Variants in PRKAR1B observed in about 807,000 individuals in gnomAD.
PRKAR1B encodes protein kinase cAMP-dependent type I regulatory subunit beta.
Under a neutral mutation model 46.5 loss-of-function variants are expected in PRKAR1B, and 22 were observed. That is an observed-to-expected ratio of 0.47 (90% CI 0.34 to 0.68). The LOEUF (loss-of-function observed/expected upper bound fraction) is 0.68, where lower values mean the gene tolerates loss of function less well. Among genes scored for constraint, PRKAR1B ranks in the 30% least tolerant of loss-of-function variants. The pLI, the probability that PRKAR1B is intolerant of heterozygous loss-of-function variation, is 0.01. For missense variants in PRKAR1B, 445 were observed against 535.6 expected (o/e 0.83, Z 1.67); for synonymous variants, 259 against 217.7 (o/e 1.19, Z -1.67).
At chr7:700,576 C>A (rs191968808) in intron 2 of PRKAR1B, among the ~76,000 whole-genome samples, 1 of 152,080 alleles carries the variant, frequency 6.6e-6, no homozygotes, top group East Asian at 1.9e-4. Context: ...CAGGTTAACA[C>A]TCTAAAGCAG....
At chr7:699,079 A>T (rs762203051) in intron 2 of PRKAR1B, among the ~76,000 whole-genome samples, 1 of 152,078 alleles carries the variant, frequency 6.6e-6, no homozygotes, top group Admixed American at 6.5e-5. Flanking sequence ...ATCAAAGCCA[A>T]CCCCAGGAGA....
intron 3 of PRKAR1B, 145 bp from the exon 4 acceptor site, chr7:677,465 A>G (rs1778398128): frequency 1.4e-6 from 1 of 712,538 alleles, no homozygotes; most frequent in Non-Finnish European, 2.4e-6. Flanking sequence ...GTATTTCACC[A>G]CTGTTTTTTT....
chr7:646,282 G>A (rs1403346488), intron 4 of PRKAR1B, among the ~76,000 whole-genome samples: 4 of 152,206 alleles, frequency 2.6e-5, no homozygotes, highest in Admixed American at 1.3e-4. Flanking sequence ...GGATTCAAGC[G>A]ATCCTCCCGC....
At chr7:711,244 C>G (rs1780608987) in intron 2 of PRKAR1B, 85 bp downstream of exon 2, 2 of 1,541,492 alleles carry the variant, frequency 1.3e-6, no homozygotes, top group African/African-American at 2.7e-5. Context: ...TCGAGGACCA[C>G]GGGACAGAGG....
chr7:727,001 C>A, intron 1 of PRKAR1B: 1 of 1,250,618 alleles, frequency 8.0e-7, no homozygotes, highest in Non-Finnish European at 1.0e-6. Context: ...GGCTGCCGCG[C>A]GCTGGCAGTG....
At position 677,270 on chromosome 7, in the gene PRKAR1B, G is replaced by T; in HGVS notation, c.399C>A (p.Ser133=). 2 of 1,614,270 alleles carry T rather than the reference G, an allele frequency of 1.2e-6. No homozygotes were observed. Among genetic ancestry groups the T allele is most frequent in the Non-Finnish European group, 1.7e-6 (2 of 1,180,052 alleles). ...KTMTALAKAI[S]KNVLFAHLDD... ...CCAGGTGAGCGAAGAGCACGTTCTT[G>T]GAGATGGCCTTGGCCAGCGCAGTCA... Residue 133 remains serine, a synonymous_variant, in exon 4 of 11, where the codon TCC becomes TCA. Transcript: ENST00000537384.
intron 4 of PRKAR1B, among the ~76,000 whole-genome samples, chr7:626,914 A>G (rs1446591193): frequency 1.3e-5 from 2 of 151,948 alleles, no homozygotes; most frequent in Admixed American, 1.3e-4. Context: ...GTCTCACTCT[A>G]TCACCCAGGC....
chr7:596,021 T>A, intron 7 of PRKAR1B, 125 bp downstream of exon 7: 1 of 1,241,076 alleles, frequency 8.1e-7, no homozygotes, highest in Non-Finnish European at 1.1e-6. Context: ...ACAGGCCAGA[T>A]CTGTCAGGGA....
At chr7:682,314 T>G (rs1778731392) in intron 2 of PRKAR1B, among the ~76,000 whole-genome samples, 2 of 152,170 alleles carry the variant, frequency 1.3e-5, no homozygotes, top group African/African-American at 4.8e-5. Flanking sequence ...TCAGGCCAAG[T>G]GCGGTGGCTT....
rs893749388 is a variant in PRKAR1B at position 714,074 on chromosome 7, C to T, written c.-22-2547G>A. Reference sequence around the variant, plus strand: ...AGTACCATCACGTGCTCCCCGCGGCCCCTCCACTCCCTCCTCCTCCTCCTC... The same window carrying T: ...AGTACCATCACGTGCTCCCCGCGGCTCCTCCACTCCCTCCTCCTCCTCCTC... On this transcript the variant is annotated intron_variant, in intron 1 of 10. Transcript: ENST00000537384. This position sits in a 1 kb window ranked among gnomAD's most constrained non-coding sequence, Gnocchi z 4.3. Among the ~76,000 whole-genome samples the T allele has an allele frequency of 6.6e-6, 1 of 152,164 alleles. No individual in the cohort carries two copies. Among genetic ancestry groups the T allele is most frequent in the Non-Finnish European group, 1.5e-5 (1 of 68,030 alleles).
At chr7:623,846 G>A (rs2128474981) in intron 4 of PRKAR1B, among the ~76,000 whole-genome samples, 1 of 152,326 alleles carries the variant, frequency 6.6e-6, no homozygotes, top group East Asian at 1.9e-4. Context: ...TGAATGGCCA[G>A]GGTTCAGGGT....
intron 4 of PRKAR1B, among the ~76,000 whole-genome samples, chr7:670,103 C>G (rs577160354): frequency 6.6e-6 from 1 of 151,792 alleles, no homozygotes; most frequent in Admixed American, 6.6e-5. Context: ...CTCCTGACCT[C>G]GTGATCCACC....
At chr7:561,027 AACAC>A (rs747186780) in intron 9 of PRKAR1B, among the ~76,000 whole-genome samples, 2 of 152,000 alleles carry the variant, frequency 1.3e-5, no homozygotes, top group Admixed American at 6.6e-5. Context: ...CACACGTGTG[AACAC>A]ACACACATAC....
chr7:591,165 AG>A lies in PRKAR1B; in HGVS notation c.708+4980del, dbSNP rs1008392089. On this transcript the variant is annotated intron_variant, in intron 7 of 10. Transcript: ENST00000537384. Reference sequence around the variant, plus strand: ...GGCGGGGTGACAGCTGAAGGCTGCCAGGGGCCCCCGGGGGAGGGCCCGGCCC... The same window carrying A: ...GGCGGGGTGACAGCTGAAGGCTGCCAGGGCCCCCGGGGGAGGGCCCGGCCC... Among the ~76,000 whole-genome samples, 5 of 152,202 alleles carry A rather than the reference AG, an allele frequency of 3.3e-5. No homozygotes were observed. The East Asian group carries it at 7.7e-4, about 23-fold the overall frequency.
intron 4 of PRKAR1B, among the ~76,000 whole-genome samples, chr7:626,551 T>C (rs963220205): frequency 1.3e-5 from 2 of 152,186 alleles, no homozygotes; most frequent in African/African-American, 4.8e-5. Flanking sequence ...ATGTGTTCAC[T>C]AGTTAATTCT....
intron 9 of PRKAR1B, among the ~76,000 whole-genome samples, chr7:578,317 C>T (rs936602669): frequency 3.9e-5 from 6 of 152,248 alleles, no homozygotes; most frequent in Non-Finnish European, 1.5e-5. Flanking sequence ...CCACGGACTG[C>T]GGCCCCAGCA....
At chr7:640,805 CACAG>C (rs747879955) in intron 4 of PRKAR1B, among the ~76,000 whole-genome samples, 26,014 of 107,000 alleles carry the variant, frequency 0.24, 2,734 homozygotes, top group African/African-American at 0.34. Context: ...CACACACACA[CACAG>C]ACACAAATGA....
At chr7:607,757 A>C in intron 4 of PRKAR1B, 1 of 288,752 alleles carries the variant, frequency 3.5e-6, no homozygotes, top group East Asian at 8.8e-5. Context: ...CATTTAGAAA[A>C]ACAAAAGTAA....
chr7:571,954 G>T (rs35181219), intron 9 of PRKAR1B, among the ~76,000 whole-genome samples: 1 of 152,206 alleles, frequency 6.6e-6, no homozygotes, highest in African/African-American at 2.4e-5. Flanking sequence ...GGAGCGAGCC[G>T]GGTGTCCGCC....
Sources: allele counts gnomAD v4.1 joint callset (sites outside exome capture counted in the v4.1 genomes callset), GRCh38; gene constraint gnomAD v4.1.1; non-coding constraint Gnocchi (gnomAD v3.1); transcripts MANE v1.5; gene names NCBI Gene and HGNC (gene_info 2026-07-23, HGNC 2026-07-21).